Variants in MAPKAP1 observed in about 807,000 individuals in gnomAD.
MAPKAP1 encodes the protein MAPK associated protein 1.
A neutral mutation model predicts 65.7 loss-of-function variants in MAPKAP1; 20 were observed. That is an observed-to-expected ratio of 0.30 (90% CI 0.21 to 0.44). The LOEUF is 0.44. Among genes scored for constraint, MAPKAP1 ranks in the 20% least tolerant of loss-of-function variants. The pLI, the probability that MAPKAP1 is intolerant of heterozygous loss-of-function variation, is 1.00. For missense variants in MAPKAP1, 423 were observed against 648.0 expected (o/e 0.65, Z 3.77); for synonymous variants, 222 against 244.3 (o/e 0.91, Z 0.85).
intron 8 of MAPKAP1, among the ~76,000 whole-genome samples, chr9:125,488,592 C>A (rs959076764): frequency 2.0e-5 from 3 of 152,186 alleles, no homozygotes; most frequent in Admixed American, 2.0e-4. Flanking sequence ...GTTATCCACC[C>A]GCCTCGGCCT....
chr9:125,654,315 C>T (rs1486523307), intron 4 of MAPKAP1, among the ~76,000 whole-genome samples: 2 of 152,136 alleles, frequency 1.3e-5, no homozygotes, highest in Non-Finnish European at 2.9e-5. Context: ...TCAGAGGTTC[C>T]GTTCTCAACA....
At chr9:125,547,548 G>A (rs1234449796) in intron 6 of MAPKAP1, among the ~76,000 whole-genome samples, 1 of 152,160 alleles carries the variant, frequency 6.6e-6, no homozygotes, top group African/African-American at 2.4e-5. Flanking sequence ...AGTAAAGGGA[G>A]TCGACGTTAG....
At chr9:125,473,007 G>A (rs571164256) in intron 9 of MAPKAP1, among the ~76,000 whole-genome samples, 1 of 152,016 alleles carries the variant, frequency 6.6e-6, no homozygotes, top group African/African-American at 2.4e-5. Context: ...GGATAAGTAT[G>A]CTGAAGTCTT....
chr9:125,476,746 C>T (rs895087552), intron 9 of MAPKAP1, among the ~76,000 whole-genome samples: 2 of 152,132 alleles, frequency 1.3e-5, no homozygotes, highest in African/African-American at 2.4e-5. Flanking sequence ...CTTTGAGTGC[C>T]GGCCTGTGGT....
chr9:125,597,760 T>C (rs1462905667), intron 4 of MAPKAP1, among the ~76,000 whole-genome samples: 1 of 152,218 alleles, frequency 6.6e-6, no homozygotes, highest in African/African-American at 2.4e-5. Flanking sequence ...GATGTAATGA[T>C]GCAAATTGAT....
At position 125,658,911 on chromosome 9, in the gene MAPKAP1, A is replaced by G. The variant is rs567003297; in HGVS notation, c.350-1112T>C. ...TTTAGCATAGTCAAATTAAACCAAG[A>G]GAGAGAACAGAGCTCCGAAAGAGTC... On this transcript the variant is annotated intron_variant, in intron 3 of 11. Transcript: ENST00000265960. Among the ~76,000 whole-genome samples, 48 of 152,264 alleles carry G rather than the reference A, an allele frequency of 3.2e-4. 1 individual carries two copies. The South Asian group carries it at 9.5e-3, about 30-fold the overall frequency.
chr9:125,483,480 A>G (rs1854389861), intron 9 of MAPKAP1, among the ~76,000 whole-genome samples: 2 of 152,256 alleles, frequency 1.3e-5, no homozygotes, highest in Admixed American at 1.3e-4. Context: ...CATACAAAGC[A>G]TTTGTGAGAA....
At chr9:125,600,246 G>A (rs534061488) in intron 4 of MAPKAP1, among the ~76,000 whole-genome samples, 9 of 149,374 alleles carry the variant, frequency 6.0e-5, no homozygotes, top group Admixed American at 2.0e-4. Context: ...AGTCCACTCC[G>A]TATCAGAAAC....
chr9:125,520,092 T>A (rs981983681), intron 7 of MAPKAP1, among the ~76,000 whole-genome samples: 11 of 152,220 alleles, frequency 7.2e-5, no homozygotes, highest in Admixed American at 7.2e-4. Flanking sequence ...ACTCACATGT[T>A]ATGTAATCCT....
intron 4 of MAPKAP1, among the ~76,000 whole-genome samples, chr9:125,652,828 C>T (rs566004287): frequency 6.6e-6 from 1 of 152,272 alleles, no homozygotes; most frequent in East Asian, 1.9e-4. Context: ...AGGACCAAAA[C>T]CCCACTGGAC....
chr9:125,444,970 T>C (rs899875523), intron 10 of MAPKAP1, among the ~76,000 whole-genome samples: 4 of 152,188 alleles, frequency 2.6e-5, no homozygotes, highest in African/African-American at 9.7e-5. Flanking sequence ...TAAAGTCAGA[T>C]AAATGAGCAA....
At chr9:125,668,269 A>G (rs971941621) in intron 3 of MAPKAP1, among the ~76,000 whole-genome samples, 14 of 152,224 alleles carry the variant, frequency 9.2e-5, no homozygotes, top group African/African-American at 3.4e-4. Context: ...ATGTTGGGTA[A>G]CTTTGGCAAG....
At chr9:125,603,914 A>G (rs1462271421) in intron 4 of MAPKAP1, among the ~76,000 whole-genome samples, 1 of 152,208 alleles carries the variant, frequency 6.6e-6, no homozygotes, top group Non-Finnish European at 1.5e-5. Flanking sequence ...GCCATTTACC[A>G]TTATGCCAAG....
chr9:125,604,606 A>G (rs1832392207), intron 4 of MAPKAP1, among the ~76,000 whole-genome samples: 1 of 152,256 alleles, frequency 6.6e-6, no homozygotes, highest in Non-Finnish European at 1.5e-5. Flanking sequence ...ACATTTCATT[A>G]CATAGTTAAA....
intron 6 of MAPKAP1, among the ~76,000 whole-genome samples, chr9:125,543,667 G>C (rs1054231283): frequency 6.6e-6 from 1 of 152,190 alleles, no homozygotes; most frequent in Non-Finnish European, 1.5e-5. Flanking sequence ...TGGGTGGCGG[G>C]GGGGCAGTGA....
At chr9:125,628,188 T>C (rs1440340196) in intron 4 of MAPKAP1, among the ~76,000 whole-genome samples, 3 of 152,132 alleles carry the variant, frequency 2.0e-5, no homozygotes, top group East Asian at 3.8e-4. Flanking sequence ...ATGTGTGAGC[T>C]GAATCTTAAA....
At chr9:125,527,836 T>C (rs141847086) in intron 7 of MAPKAP1, among the ~76,000 whole-genome samples, 1 of 152,202 alleles carries the variant, frequency 6.6e-6, no homozygotes, top group Non-Finnish European at 1.5e-5. Flanking sequence ...AACACTAATT[T>C]CAACGGATAT....
At chr9:125,647,734 C>T (rs987509320) in intron 4 of MAPKAP1, among the ~76,000 whole-genome samples, 2 of 152,156 alleles carry the variant, frequency 1.3e-5, no homozygotes, top group African/African-American at 2.4e-5. Flanking sequence ...TATCAGTGCA[C>T]GGTGCAGAGC....
rs1182940182 is a variant in MAPKAP1 at position 125,674,263 on chromosome 9, TTAA to T, written c.-69-1623_-69-1621del. ...CATGTAATTAAATAAATGTTAGCTA[TTAA>T]TAATAATGATAAAAAATCAATAATT... On this transcript the variant is annotated intron_variant, in intron 1 of 11. Transcript: ENST00000265960. Among the ~76,000 whole-genome samples, 5 of 152,292 alleles carry T rather than the reference TTAA, an allele frequency of 3.3e-5. No homozygotes were observed. The East Asian group carries it at 9.6e-4, about 29-fold the overall frequency.
Sources: gnomAD v4.1 joint callset for allele counts (sites outside exome capture counted in the v4.1 genomes callset) on GRCh38, gnomAD v4.1.1 for gene constraint, MANE v1.5 for transcripts, NCBI Gene and HGNC (gene_info 2026-07-23, HGNC 2026-07-21) for gene names.